Variants in ZBBX observed in about 807,000 individuals in gnomAD.
The protein encoded by ZBBX is zinc finger B-box domain-containing protein 1.
ZBBX carries 101 observed loss-of-function variants against 108.5 expected under a neutral mutation model. The observed-to-expected ratio is 0.93, with a 90% CI of 0.79 to 1.10. The LOEUF is 1.10. Ranked by LOEUF, ZBBX falls within the 50% of genes least tolerant of loss-of-function variation. ZBBX has a pLI of 0.00. For missense variants in ZBBX, 1,009 were observed against 941.4 expected, an observed-to-expected ratio of 1.07 and a Z score of -0.94; for synonymous variants, 356 against 323.4, an observed-to-expected ratio of 1.10 and a Z score of -1.08.
chr3:167,288,935 T>C lies in ZBBX; in HGVS notation c.1928A>G (p.Asn643Ser). Reference protein sequence around the residue: ...PDHSLSEYADNAIVLGVLQGA... With the variant: ...PDHSLSEYADSAIVLGVLQGA... ...CTGCAGAACACCCAAGACAATTGCA[T>C]TATCAGCATATTCACTTAAGCTATG... The change falls in exon 19 of 22, where the codon AAT (asparagine) becomes AGT (serine). Residue 643 changes from asparagine to serine, a missense_variant. By Grantham distance (46) the Asn-to-Ser change is conservative. Transcript: ENST00000675490. The C allele has an allele frequency of 1.9e-6, 3 of 1,545,276 alleles. No homozygotes were observed. The highest frequency in any genetic ancestry group is 1.4e-5 in the African/African-American group (1 of 73,116).
At chr3:167,328,371 A>G (rs1242238788) in intron 10 of ZBBX, among the ~76,000 whole-genome samples, 1 of 152,090 alleles carries the variant, frequency 6.6e-6, no homozygotes, top group Non-Finnish European at 1.5e-5. Context: ...AGAACTAATG[A>G]CTTATCATTA....
upstream of ZBBX, among the ~76,000 whole-genome samples, chr3:167,383,456 GATATAA>G (rs1747810995): frequency 6.6e-6 from 1 of 152,050 alleles, no homozygotes; most frequent in African/African-American, 2.4e-5. Context: ...AAATTAGTAT[GATATAA>G]ATATATTTAA....
At chr3:167,296,143 GA>G (rs1281225142) in intron 18 of ZBBX, among the ~76,000 whole-genome samples, 2 of 151,584 alleles carry the variant, frequency 1.3e-5, no homozygotes, top group Non-Finnish European at 2.9e-5. Flanking sequence ...TAGAATGAAA[GA>G]AAAAAACACA....
intron 11 of ZBBX, among the ~76,000 whole-genome samples, chr3:167,324,862 T>A (rs1560126582): frequency 2.0e-5 from 3 of 152,240 alleles, no homozygotes; most frequent in East Asian, 3.9e-4. Context: ...TTGCACATTA[T>A]CGGTTCCAAA....
At chr3:167,407,432 C>T (rs1422040986) in intron 1 of ZBBX, among the ~76,000 whole-genome samples, 1 of 152,010 alleles carries the variant, frequency 6.6e-6, no homozygotes, top group Non-Finnish European at 1.5e-5. Context: ...GGCCCTTGAA[C>T]AATGTGGGGA....
At chr3:167,400,776 T>G (rs971473952) in intron 1 of ZBBX, among the ~76,000 whole-genome samples, 1 of 151,992 alleles carries the variant, frequency 6.6e-6, no homozygotes, top group Admixed American at 6.6e-5. Context: ...AAGATGAACA[T>G]TGATTGGTCC....
At chr3:167,329,413 C>T (rs1033846968) in intron 10 of ZBBX, among the ~76,000 whole-genome samples, 7 of 152,042 alleles carry the variant, frequency 4.6e-5, no homozygotes, top group Non-Finnish European at 7.4e-5. Flanking sequence ...TTGTTAAAGA[C>T]GTATATAAGA....
At chr3:167,360,204 G>A (rs1352803270) in intron 7 of ZBBX, among the ~76,000 whole-genome samples, 1 of 148,236 alleles carries the variant, frequency 6.7e-6, no homozygotes, top group African/African-American at 2.5e-5. Context: ...TATTAATCAT[G>A]CAACATTTGT....
chr3:167,283,761 C>T (rs890885566), intron 19 of ZBBX, among the ~76,000 whole-genome samples: 9 of 152,008 alleles, frequency 5.9e-5, no homozygotes, highest in Non-Finnish European at 1.0e-4. Flanking sequence ...TTCTCCTGCC[C>T]CAGGCTCCCA....
At chr3:167,199,415 G>A in the ZBBX span, among the ~76,000 whole-genome samples, 1 of 152,176 alleles carries the variant, frequency 6.6e-6, no homozygotes, top group Non-Finnish European at 1.5e-5. Context: ...GGAATTGTGG[G>A]CAGGAGACTT....
chr3:167,330,365 A>G (rs183214990), intron 10 of ZBBX, among the ~76,000 whole-genome samples: 1 of 152,306 alleles, frequency 6.6e-6, no homozygotes, highest in East Asian at 1.9e-4. Context: ...AGTATCTAAA[A>G]GAGCAATAAG....
chr3:167,288,028 A>G (rs189477455), intron 19 of ZBBX, among the ~76,000 whole-genome samples: 2 of 152,106 alleles, frequency 1.3e-5, no homozygotes. Context: ...TTTCTCAGGT[A>G]TTCCTCCTAA....
the ZBBX span, among the ~76,000 whole-genome samples, chr3:167,191,934 T>TATATATATATAGAGAGAGAGAGAG: frequency 7.7e-6 from 1 of 130,222 alleles, no homozygotes; most frequent in African/African-American, 3.0e-5. Flanking sequence ...TATATATATA[T>TATATATATATAGAGAGAGAGAGAG]AGAGCAAGTT....
At position 167,317,123 on chromosome 3, in the gene ZBBX, C is replaced by T. The variant is rs987863447; in HGVS notation, c.1094-18G>A. The T allele has an allele frequency of 1.1e-5, 15 of 1,422,166 alleles. No individual in the cohort carries two copies. Among genetic ancestry groups the T allele is most frequent in the Non-Finnish European group, 1.5e-5 (15 of 1,015,830 alleles). 88.1% of individuals were successfully genotyped at this position (1,422,166 alleles called of 1,614,324 possible). ...CTCCTCACCTAGGAAATAAGATTCA[C>T]AAATAATATCATCAAAGAATATATC... On this transcript the variant is annotated intron_variant, in intron 13 of 21. Coordinates refer to ENST00000675490, the MANE Select transcript of ZBBX (RefSeq NM_001199201.2).
chr3:167,288,832 C>T, intron 19 of ZBBX, 35 bp downstream of exon 19: 3 of 1,444,372 alleles, frequency 2.1e-6, no homozygotes, highest in African/African-American at 1.4e-5. Context: ...AAGTAAGCTG[C>T]CAACATGGCA....
At chr3:167,312,817 G>C (rs1363282284) in intron 16 of ZBBX, among the ~76,000 whole-genome samples, 1 of 152,078 alleles carries the variant, frequency 6.6e-6, no homozygotes, top group Non-Finnish European at 1.5e-5. Flanking sequence ...AAAATGTCAA[G>C]ACCAGCAGGA....
chr3:167,374,862 T>C (rs1746701461), intron 2 of ZBBX, among the ~76,000 whole-genome samples: 1 of 152,172 alleles, frequency 6.6e-6, no homozygotes, highest in African/African-American at 2.4e-5. Flanking sequence ...CAGATAAAGA[T>C]ATGGATTAGA....
In ZBBX at chr3:167,240,108, A is replaced by G. The variant is rs1720437611; in HGVS notation, c.*685T>C. On this transcript the variant is annotated 3_prime_UTR_variant, in exon 22 of 22. Coordinates refer to ENST00000675490, the MANE Select transcript of ZBBX (RefSeq NM_001199201.2). ...CCCTCCCAGGACACCTGGAGATTAT[A>G]GAAACTACAATTCAAGATGAGATCT... Among the ~76,000 whole-genome samples, 2 of 152,134 alleles carry G rather than the reference A, an allele frequency of 1.3e-5. No homozygotes were observed. Among genetic ancestry groups the G allele is most frequent in the Admixed American group, 6.6e-5 (1 of 15,260 alleles).
intron 1 of ZBBX, among the ~76,000 whole-genome samples, chr3:167,391,563 C>T (rs548147920): frequency 1.6e-3 from 237 of 152,070 alleles, no homozygotes; most frequent in South Asian, 3.7e-3. Context: ...AGGAATGGTA[C>T]CAGCTCCTCT....
Sources: allele counts gnomAD v4.1 joint callset (sites outside exome capture counted in the v4.1 genomes callset), GRCh38; gene constraint gnomAD v4.1.1; transcripts MANE v1.5; gene names NCBI Gene and HGNC (gene_info 2026-07-23, HGNC 2026-07-21).